NELL1: variants seen among roughly 807,000 people sequenced by gnomAD.
NELL1 encodes protein kinase C-binding protein NELL1.
A neutral mutation model predicts 107.4 loss-of-function variants in NELL1; 76 were observed. The observed-to-expected ratio is 0.71, with a 90% CI of 0.59 to 0.86. NELL1 has a LOEUF of 0.86. NELL1 is among the 40% of genes least tolerant of loss of function. The pLI is 0.00. For synonymous variants in NELL1, 353 were observed against 341.2 expected (o/e 1.03, Z -0.38); for missense variants, 1,024 against 1,005.5 (o/e 1.02, Z -0.25).
intron 13 of NELL1, among the ~76,000 whole-genome samples, chr11:21,151,573 TCA>T (rs1856119092): frequency 6.6e-6 from 1 of 152,204 alleles, no homozygotes; most frequent in African/African-American, 2.4e-5. Flanking sequence ...TCTGTGAGCC[TCA>T]GTTTCCACAT....
At chr11:21,329,825 A>G (rs990979770) in intron 14 of NELL1, among the ~76,000 whole-genome samples, 8 of 152,264 alleles carry the variant, frequency 5.3e-5, no homozygotes, top group Non-Finnish European at 8.8e-5. Context: ...ATTTAATACC[A>G]GTGATCTATA....
In NELL1 at chr11:20,721,212, T is replaced by A. The variant is rs1451278980; in HGVS notation, c.184+43152T>A. On this transcript the variant is annotated intron_variant, in intron 2 of 19. Coordinates refer to ENST00000357134, the MANE Select transcript of NELL1 (RefSeq NM_006157.5). Reference sequence around the variant, plus strand: ...ATATATATATAGTGTATATATATATTTTGTTTATATATATATTTTGTTTAT... The same window carrying A: ...ATATATATATAGTGTATATATATATATTGTTTATATATATATTTTGTTTAT... Among the ~76,000 whole-genome samples, 222 of 113,822 alleles carry A rather than the reference T, an allele frequency of 2.0e-3. 3 individuals carry two copies. The highest frequency in any genetic ancestry group is 0.01 in the African/African-American group (200 of 19,722). 74.7% of individuals were successfully genotyped at this position (113,822 alleles called of 152,430 possible). A position where few individuals can be genotyped will look rare whatever the true frequency, so the allele number is the denominator to read the frequency against.
chr11:21,110,376 G>T (rs1270938531), intron 12 of NELL1, among the ~76,000 whole-genome samples: 4 of 152,076 alleles, frequency 2.6e-5, no homozygotes, highest in African/African-American at 4.8e-5. Context: ...TCTCACTGGG[G>T]TTTTCTAACC....
intron 15 of NELL1, among the ~76,000 whole-genome samples, chr11:21,405,488 T>G (rs1251238029): frequency 6.6e-6 from 1 of 152,042 alleles, no homozygotes; most frequent in Non-Finnish European, 1.5e-5. Context: ...CTGAGGTCAA[T>G]GGAAATGTTT....
chr11:21,258,807 T>A (rs904080832), intron 14 of NELL1, among the ~76,000 whole-genome samples: 5 of 152,030 alleles, frequency 3.3e-5, no homozygotes, highest in African/African-American at 1.2e-4. Context: ...TCCATTTTTA[T>A]AATCTCATGA....
chr11:20,672,474 T>C (rs1302347020), intron 1 of NELL1, among the ~76,000 whole-genome samples: 1 of 152,240 alleles, frequency 6.6e-6, no homozygotes, highest in Non-Finnish European at 1.5e-5. Flanking sequence ...AAAGATCTAA[T>C]GATAGGTGTC....
At chr11:21,032,385 G>A (rs892936086) in intron 12 of NELL1, among the ~76,000 whole-genome samples, 65 of 151,966 alleles carry the variant, frequency 4.3e-4, no homozygotes, top group African/African-American at 1.5e-3. Context: ...AATTTTTGTT[G>A]TTGTTTTTGT....
At chr11:21,521,493 C>A (rs527397010) in intron 15 of NELL1, among the ~76,000 whole-genome samples, 54 of 151,324 alleles carry the variant, frequency 3.6e-4, no homozygotes, top group South Asian at 1.3e-3. Context: ...TCAAGAAATG[C>A]CAATATTGTT....
intron 4 of NELL1, among the ~76,000 whole-genome samples, chr11:20,850,874 A>C (rs1285609492): frequency 6.6e-6 from 1 of 152,216 alleles, no homozygotes; most frequent in Non-Finnish European, 1.5e-5. Context: ...ATATGGGGAC[A>C]GTTTTACTAG....
intron 12 of NELL1, among the ~76,000 whole-genome samples, chr11:20,992,096 G>C (rs1007556589): frequency 1.3e-5 from 2 of 151,958 alleles, no homozygotes; most frequent in Admixed American, 1.3e-4. Context: ...AGAGATACAG[G>C]CTGCTTAATA....
At chr11:20,952,459 T>A (rs1851087976) in intron 11 of NELL1, among the ~76,000 whole-genome samples, 2 of 152,140 alleles carry the variant, frequency 1.3e-5, no homozygotes, top group Non-Finnish European at 2.9e-5. Context: ...TTGTTTTGGG[T>A]GAATTTATAA....
At chr11:20,975,157 C>T (rs966124920) in intron 12 of NELL1, among the ~76,000 whole-genome samples, 9 of 151,370 alleles carry the variant, frequency 5.9e-5, no homozygotes, top group African/African-American at 1.2e-4. Context: ...TATAGGTGCC[C>T]GCCACCATGC....
At chr11:20,873,725 C>T (rs1003404086) in intron 4 of NELL1, among the ~76,000 whole-genome samples, 5 of 150,878 alleles carry the variant, frequency 3.3e-5, no homozygotes, top group Non-Finnish European at 7.4e-5. Context: ...TGATCTTTCC[C>T]TGGCTGATGC....
At chr11:20,905,341 A>G (rs1000310203) in intron 5 of NELL1, among the ~76,000 whole-genome samples, 3 of 152,184 alleles carry the variant, frequency 2.0e-5, no homozygotes, top group African/African-American at 7.2e-5. Flanking sequence ...ATACATTATA[A>G]CATCCAAATG....
intron 13 of NELL1, among the ~76,000 whole-genome samples, chr11:21,202,682 T>G (rs1292007859): frequency 1.3e-5 from 2 of 152,216 alleles, no homozygotes; most frequent in Non-Finnish European, 2.9e-5. Context: ...TGGATTTGTT[T>G]GCTCTTGCTT....
intron 3 of NELL1, among the ~76,000 whole-genome samples, chr11:20,838,276 G>A (rs1848567383): frequency 6.7e-6 from 1 of 149,946 alleles, no homozygotes; most frequent in African/African-American, 2.5e-5. Flanking sequence ...AAAAAACAAG[G>A]CAAGTCTGAA....
chr11:21,309,259 TGTA>T (rs1430293725), intron 14 of NELL1, among the ~76,000 whole-genome samples: 9 of 42,074 alleles, frequency 2.1e-4, no homozygotes, highest in Non-Finnish European at 4.0e-4. Context: ...AATATATATA[TGTA>T]TATATATATA....
intron 7 of NELL1, among the ~76,000 whole-genome samples, chr11:20,924,917 A>G (rs914286990): frequency 6.6e-6 from 1 of 152,204 alleles, no homozygotes; most frequent in East Asian, 1.9e-4. Context: ...TACTCAGAAA[A>G]AAATTCCAAA....
chr11:20,863,100 CAGTG>C (rs1489465702), intron 4 of NELL1, among the ~76,000 whole-genome samples: 1 of 152,232 alleles, frequency 6.6e-6, no homozygotes, highest in African/African-American at 2.4e-5. Flanking sequence ...GGCCCGTTCT[CAGTG>C]AGCTGTTGGG....
Sources: allele counts gnomAD v4.1 joint callset (sites outside exome capture counted in the v4.1 genomes callset), GRCh38; gene constraint gnomAD v4.1.1; transcripts MANE v1.5; gene names NCBI Gene and HGNC (gene_info 2026-07-23, HGNC 2026-07-21).